Variants in ELMOD2 observed in about 807,000 individuals in gnomAD.
ELMOD2 encodes ELMO domain-containing protein 2.
In ELMOD2, 28 loss-of-function variants were observed where a neutral mutation model predicts 41.0. That is an observed-to-expected ratio of 0.68 (90% CI 0.51 to 0.94). ELMOD2 has a LOEUF of 0.94. ELMOD2 is among the 40% of genes least tolerant of loss of function. ELMOD2 has a pLI of 0.00. For missense variants in ELMOD2, 333 were observed against 343.1 expected (o/e 0.97, Z 0.23); for synonymous variants, 106 against 107.2 (o/e 0.99, Z 0.07).
At chr4:140,542,293 G>A (rs1735130247) in intron 6 of ELMOD2, 2 of 218,530 alleles carry the variant, frequency 9.2e-6, no homozygotes, top group South Asian at 3.6e-4. Flanking sequence ...AAGAACTTTG[G>A]TTGTTTTTTT....
Position 140,543,497 on chromosome 4 carries a change from A to G in ELMOD2, c.647A>G (p.Tyr216Cys). 1 of 1,606,238 alleles carries G rather than the reference A, an allele frequency of 6.2e-7. No homozygotes were observed. The highest frequency in any genetic ancestry group is 2.3e-5 in the East Asian group (1 of 44,410). Residue 216 changes from tyrosine (Y) to cysteine (C), a missense_variant, in exon 8 of 9, where the codon TAT (tyrosine) becomes TGT (cysteine). Transcript: ENST00000323570. ...IVGINLTEMA[Y>C]SLLKSEALKF... ...GGAATCAATCTTACAGAGATGGCTT[A>G]TAGCTTACTGAAGAGTGAAGCTTTG...
At chr4:140,548,467 T>C (rs546376548) in intron 8 of ELMOD2, among the ~76,000 whole-genome samples, 1 of 152,282 alleles carries the variant, frequency 6.6e-6, no homozygotes, top group African/African-American at 2.4e-5. Context: ...TAAACTGGCC[T>C]TCTTATGAAA....
At chr4:140,549,025 G>T (rs1246760291) in intron 8 of ELMOD2, among the ~76,000 whole-genome samples, 1 of 151,490 alleles carries the variant, frequency 6.6e-6, no homozygotes, top group Non-Finnish European at 1.5e-5. Context: ...AAGTTTTTAT[G>T]TACTCCTTGG....
chr4:140,535,480 A>G (rs1323647280), intron 3 of ELMOD2: 4 of 347,442 alleles, frequency 1.2e-5, no homozygotes, highest in East Asian at 6.6e-5. Flanking sequence ...CTGAGAACTC[A>G]TCAGCTGAGA....
rs144150157 is a variant in ELMOD2, at chr4:140,542,606, A to G, written c.566A>G (p.His189Arg). 1.8e-4 allele frequency: 291 copies of G among 1,606,862 alleles called. No individual in the cohort carries two copies. The highest frequency in any genetic ancestry group is 2.0e-4 in the Non-Finnish European group (234 of 1,176,112). The change falls in exon 7 of 9, where the codon CAT (histidine) becomes CGT (arginine). Residue 189 changes from histidine (H) to arginine (R), a missense_variant. Coordinates refer to ENST00000323570, the MANE Select transcript of ELMOD2 (RefSeq NM_153702.4). ...AGTGAAAATTACACTAGTGAAGCTC[A>G]TCAGATTCTTTCCCGTTCAAATCAT... is the stretch of plus-strand genomic sequence containing the variant. ...YFSENYTSEA[H>R]QILSRSNHPK...
At chr4:140,531,032 G>A (rs993599327) in intron 3 of ELMOD2, among the ~76,000 whole-genome samples, 6 of 152,012 alleles carry the variant, frequency 3.9e-5, no homozygotes, top group Non-Finnish European at 7.4e-5. Context: ...CCAATACTTA[G>A]TAAGTATTCA....
At chr4:140,527,034 C>A (rs1016080808) in intron 2 of ELMOD2, among the ~76,000 whole-genome samples, 1 of 152,102 alleles carries the variant, frequency 6.6e-6, no homozygotes, top group African/African-American at 2.4e-5. Context: ...GAAGTCCTTG[C>A]CTATTTGTTG....
chr4:140,542,693 A>G (rs745914321), intron 7 of ELMOD2, 51 bp downstream of exon 7: 2 of 1,326,644 alleles, frequency 1.5e-6, no homozygotes, highest in South Asian at 2.9e-5. Context: ...TATAATGATT[A>G]GATGATTTAA....
chr4:140,524,488 C>A (rs1407562384), intron 1 of ELMOD2: 8 of 621,844 alleles, frequency 1.3e-5, no homozygotes, highest in Admixed American at 6.3e-5. Context: ...GCTCAGGCGC[C>A]GCTACGCGTG....
Position 140,527,513 on chromosome 4 carries a change from G to A in ELMOD2, c.171+19G>A. On this transcript the variant is annotated intron_variant, in intron 3 of 8. Coordinates refer to ENST00000323570, the MANE Select transcript of ELMOD2 (RefSeq NM_153702.4). Reference sequence around the variant, plus strand: ...GAATAAGGTAGGATAACATAAAGGTGGTAACTCTAGAAAACTTAACGTGGA... The same window carrying A: ...GAATAAGGTAGGATAACATAAAGGTAGTAACTCTAGAAAACTTAACGTGGA... 1 of 1,558,426 alleles carries A rather than the reference G, an allele frequency of 6.4e-7. No individual in the cohort carries two copies. Among genetic ancestry groups the A allele is most frequent in the Non-Finnish European group, 8.6e-7 (1 of 1,159,326 alleles).
intron 5 of ELMOD2, among the ~76,000 whole-genome samples, chr4:140,539,746 G>A (rs187220499): frequency 2.0e-5 from 3 of 152,262 alleles, no homozygotes; most frequent in Non-Finnish European, 1.5e-5. Flanking sequence ...AATGCTATCA[G>A]TATCATTTCT....
At chr4:140,528,415 G>C (rs1156385694) in intron 3 of ELMOD2, among the ~76,000 whole-genome samples, 1 of 151,960 alleles carries the variant, frequency 6.6e-6, no homozygotes, top group Non-Finnish European at 1.5e-5. Context: ...TCCCATAATA[G>C]AACACAACCA....
At position 140,527,508 on chromosome 4, in the gene ELMOD2, A is replaced by T. The variant is rs371813812; in HGVS notation, c.171+14A>T. On this transcript the variant is annotated intron_variant, in intron 3 of 8. Coordinates refer to ENST00000323570, the MANE Select transcript of ELMOD2 (RefSeq NM_153702.4). ...TCCAAGAATAAGGTAGGATAACATA[A>T]AGGTGGTAACTCTAGAAAACTTAAC... 3.4e-5 allele frequency: 53 copies of T among 1,572,066 alleles called. No homozygotes were observed. Among genetic ancestry groups the T allele is most frequent in the Non-Finnish European group, 4.5e-5 (52 of 1,164,886 alleles).
At position 140,525,421 on chromosome 4, in the gene ELMOD2, A is replaced by G. The variant is rs1319523521; in HGVS notation, c.-8A>G. 1.3e-6 allele frequency: 2 copies of G among 1,579,752 alleles called. No homozygotes were observed. The highest frequency in any genetic ancestry group is 2.7e-5 in the African/African-American group (2 of 73,280). ...GTCTTGTATGTTTCCCTCCTCCAGGAAAAAAAAATGTTTATTTCTTTGTGG... is the reference window on the plus strand; with the variant it reads ...GTCTTGTATGTTTCCCTCCTCCAGGGAAAAAAAATGTTTATTTCTTTGTGG... On this transcript the variant is annotated splice_region_variant and 5_prime_UTR_variant, in exon 2 of 9. Transcript: ENST00000323570.
chr4:140,540,128 A>G (rs1284734198), intron 5 of ELMOD2, 40 bp from the exon 6 acceptor site: 1 of 1,599,848 alleles, frequency 6.3e-7, no homozygotes, highest in Non-Finnish European at 8.5e-7. Flanking sequence ...ACAAGCTATG[A>G]GAAAGAAAAT....
chr4:140,540,701 T>G (rs1735078169), intron 6 of ELMOD2, among the ~76,000 whole-genome samples: 2 of 151,804 alleles, frequency 1.3e-5, no homozygotes, highest in Non-Finnish European at 2.9e-5. Flanking sequence ...GAGTCATGAT[T>G]GTGCCACCTC....
rs1436948442 is a variant in ELMOD2, at chr4:140,527,337, T to C, written c.143-129T>C. 3 of 770,700 alleles carry C rather than the reference T, an allele frequency of 3.9e-6. No homozygotes were observed. The East Asian group carries it at 7.9e-5, about 20-fold the overall frequency. The allele number at this position is 770,700 out of a possible 1,614,324, so 47.7% of individuals were successfully genotyped here. A position where few individuals can be genotyped will look rare whatever the true frequency, so the allele number is the denominator to read the frequency against. On this transcript the variant is annotated intron_variant, in intron 2 of 8. Transcript: ENST00000323570. ...TTAAATTTTAAAATGCTTCCTGTTA[T>C]ATAGAAATTATATCTCCTGGAACTA...
intron 8 of ELMOD2, among the ~76,000 whole-genome samples, chr4:140,546,808 C>G (rs1735302504): frequency 1.3e-5 from 2 of 151,932 alleles, no homozygotes; most frequent in African/African-American, 2.4e-5. Context: ...GCTGGCTCCT[C>G]TATAGGAAGG....
At chr4:140,547,946 G>A (rs1242383679) in intron 8 of ELMOD2, among the ~76,000 whole-genome samples, 1 of 152,150 alleles carries the variant, frequency 6.6e-6, no homozygotes, top group Non-Finnish European at 1.5e-5. Flanking sequence ...GGATGGCCCT[G>A]CCAGTTTCCT....
Sources: gnomAD v4.1 joint callset for allele counts (sites outside exome capture counted in the v4.1 genomes callset) on GRCh38, gnomAD v4.1.1 for gene constraint, MANE v1.5 for transcripts, NCBI Gene and HGNC (gene_info 2026-07-23, HGNC 2026-07-21) for gene names.